The following CCDC22 variants were observed in gnomAD, a reference collection of about 807,000 sequenced individuals.
CCDC22 encodes CCC complex scaffolding subunit CCDC22, also known as coiled-coil domain-containing protein 22.
CCDC22 carries 4 observed loss-of-function variants against 53.1 expected under a neutral mutation model. That is an observed-to-expected ratio of 0.08 (90% CI 0.04 to 0.17). CCDC22 has a LOEUF of 0.17. Ranked by LOEUF, CCDC22 falls within the 10% of genes least tolerant of loss-of-function variation. The probability of loss-of-function intolerance (pLI) is 1.00; values close to 1 mark genes in which losing one functional copy is unlikely to be tolerated. For synonymous variants in CCDC22, 222 were observed against 224.4 expected (o/e 0.99, Z 0.10); for missense variants, 458 against 554.0 (o/e 0.83, Z 1.74).
intron 10 of CCDC22, 36 bp downstream of exon 10, chrX:49,248,346 G>T (rs782746510): frequency 1.7e-6 from 2 of 1,162,406 alleles, no homozygotes; most frequent in Non-Finnish European, 1.2e-6. Flanking sequence ...GAGAGGGGCA[G>T]GGTGGGGTGG....
chrX:49,249,820 T>C, intron 16 of CCDC22, 95 bp downstream of exon 16: 1 of 767,326 alleles, frequency 1.3e-6, no homozygotes, highest in Non-Finnish European at 2.0e-6. Flanking sequence ...ACACAGCCGA[T>C]GGCTGGACAC....
intron 5 of CCDC22, 39 bp downstream of exon 5, chrX:49,243,223 G>C (rs202241592): frequency 9.2e-6 from 11 of 1,196,207 alleles, no homozygotes; most frequent in African/African-American, 8.8e-5. Context: ...GGAGGAAGGT[G>C]GGGGGGAACC....
In CCDC22 at chrX:49,247,570, G is replaced by T. The variant is rs1205611972; in HGVS notation, c.972+12G>T. 6 of 1,192,478 alleles carry T rather than the reference G, an allele frequency of 5.0e-6. No individual in the cohort carries two copies. The highest frequency in any genetic ancestry group is 3.1e-5 in the East Asian group (1 of 32,697). On this transcript the variant is annotated intron_variant, in intron 8 of 16. Transcript: ENST00000376227. Reference sequence around the variant, plus strand: ...GGCGGCCTGAACAGGTGAGCAGAGTGGTTTGGAGGGGGGTGTCCCAGGCCC... The same window carrying T: ...GGCGGCCTGAACAGGTGAGCAGAGTTGTTTGGAGGGGGGTGTCCCAGGCCC...
intron 2 of CCDC22, among the ~76,000 whole-genome samples, chrX:49,238,195 C>T (rs1228380916): frequency 1.8e-5 from 2 of 109,398 alleles, no homozygotes; most frequent in Non-Finnish European, 3.8e-5. Flanking sequence ...ATTCTCCTGC[C>T]TCAGCCTCCC....
intron 6 of CCDC22, 98 bp downstream of exon 6, chrX:49,243,560 A>C: frequency 9.9e-6 from 7 of 707,231 alleles, no homozygotes; most frequent in Non-Finnish European, 1.4e-5. Flanking sequence ...CCTCCCTTCC[A>C]TTGTTTCCCC....
At chrX:49,243,951 G>T (rs2065976363) in intron 6 of CCDC22, among the ~76,000 whole-genome samples, 1 of 112,213 alleles carries the variant, frequency 8.9e-6, no homozygotes, top group Non-Finnish European at 1.9e-5. Flanking sequence ...ACCACACCTG[G>T]CTAATTTTTA....
Position 49,249,656 on chromosome X carries a change from C to T in CCDC22, c.1701C>T (p.Cys567=). The change falls in exon 16 of 17, where the codon TGC becomes TGT. Residue 567 remains cysteine (C), a synonymous_variant. Transcript: ENST00000376227. ...YKYLAALHEN[C]SQLIQTIEDT... ...TCTGCTCCTGTTGTCCCCAGAACTG[C>T]AGCCAGCTCATCCAGACCATCGAGG... is the stretch of plus-strand genomic sequence containing the variant. The T allele has an allele frequency of 8.3e-7, 1 of 1,210,530 alleles. No individual in the cohort carries two copies. The highest frequency in any genetic ancestry group is 3.0e-5 in the East Asian group (1 of 33,853).
At position 49,235,826 on chromosome X, in the gene CCDC22, TACACAC is replaced by T. The variant is rs797042658; in HGVS notation, c.50+173_50+178del. ...CAGGATCCTAAGACCCTCACCCCCT[TACACAC>T]ACACACACACACACACACACACACA... is the stretch of plus-strand genomic sequence containing the variant. On this transcript the variant is annotated intron_variant, in intron 1 of 16. Transcript: ENST00000376227. The T allele has an allele frequency of 2.0e-3, 486 of 242,957 alleles. 1 individual carries two copies. Among genetic ancestry groups the T allele is most frequent in the African/African-American group, 6.2e-3 (138 of 22,354 alleles). 20.0% of individuals were successfully genotyped at this position (242,957 alleles called of 1,213,427 possible). A position where few individuals can be genotyped will look rare whatever the true frequency, so the allele number is the denominator to read the frequency against.
chrX:49,242,119 A>G lies in CCDC22; in HGVS notation c.332A>G (p.Asp111Gly). 1.7e-6 allele frequency: 2 copies of G among 1,209,639 alleles called. No homozygotes were observed. Among genetic ancestry groups the G allele is most frequent in the Non-Finnish European group, 2.2e-6 (2 of 894,940 alleles). ...LLFLAERLPT[D>G]ASEDADQPAG... is the part of the protein sequence containing the mutation. ...TTCTTGGCTGAGCGTCTGCCCACCG[A>G]TGCCTCTGAGGATGCAGACCAGCCT... is the stretch of plus-strand genomic sequence containing the variant. The change falls in exon 3 of 17, where the codon GAT becomes GGT. Residue 111 changes from aspartate to glycine, a missense_variant. Asp to Gly is a moderately conservative substitution (Grantham distance 94). Around this residue, in one of 4 missense-constraint regions of CCDC22, gnomAD observed 55 missense variants for 106.0 expected, o/e 0.52. Transcript: ENST00000376227.
Position 49,250,359 on chromosome X carries a change from C to G in CCDC22, c.*98C>G, listed in dbSNP as rs1181847838. ...TGCCCTAGCTACTTCCTCCGCTGTC[C>G]AGTTCCTCCTGCTGCGGCCTTGGAC... On this transcript the variant is annotated 3_prime_UTR_variant, in exon 17 of 17. Coordinates refer to ENST00000376227, the MANE Select transcript of CCDC22 (RefSeq NM_014008.5). The G allele has an allele frequency of 1.8e-6, 1 of 541,023 alleles. No individual in the cohort carries two copies. Among genetic ancestry groups the G allele is most frequent in the East Asian group, 3.6e-5 (1 of 27,724 alleles). 44.6% of individuals were successfully genotyped at this position (541,023 alleles called of 1,213,427 possible).
At chrX:49,248,777 G>A (rs1393921057) in intron 12 of CCDC22, 40 bp from the exon 13 acceptor site, 3 of 1,204,577 alleles carry the variant, frequency 2.5e-6, no homozygotes, top group Non-Finnish European at 3.4e-6. Flanking sequence ...GGAGGGTGGG[G>A]GGATGGTCCT....
intron 2 of CCDC22, among the ~76,000 whole-genome samples, chrX:49,239,643 CGCTCTCAGGTTCACCCA>C (rs1569529166): frequency 9.0e-6 from 1 of 110,509 alleles, no homozygotes; most frequent in African/African-American, 3.3e-5. Context: ...TCCATCCCTT[CGCTCTCAGGTTCACCCA>C]GCTCTCAGGA....
In CCDC22 at chrX:49,243,277, C is replaced by T. The variant is rs191605685; in HGVS notation, c.536-7C>T. The T allele has an allele frequency of 4.6e-3, 5,567 of 1,197,339 alleles. 13 individuals are homozygous for T. Among genetic ancestry groups the T allele is most frequent in the Middle Eastern group, 8.6e-3 (37 of 4,292 alleles). On this transcript the variant is annotated splice_polypyrimidine_tract_variant and splice_region_variant and intron_variant, in intron 5 of 16. Transcript: ENST00000376227. ...GCAGGGCCAGCTGACTCTGTTCCTG[C>T]CTCCAGAGCCACGGGAGTTCCAGGC...
At chrX:49,235,714 G>A (rs1317595704) in intron 1 of CCDC22, 28 bp downstream of exon 1, 3 of 1,052,528 alleles carry the variant, frequency 2.9e-6, no homozygotes, top group East Asian at 3.7e-5. Flanking sequence ...GCCCACCCCC[G>A]AAGCCCACAT....
Position 49,247,505 on chromosome X carries a change from G to A in CCDC22, c.919G>A (p.Ala307Thr). 6 of 1,196,626 alleles carry A rather than the reference G, an allele frequency of 5.0e-6. No homozygotes were observed. Among genetic ancestry groups the A allele is most frequent in the Non-Finnish European group, 6.8e-6 (6 of 888,375 alleles). Reference sequence around the variant, plus strand: ...TCGTCACTCCCCTTAGGAGCCCCAGGCCCAGGCCACTCAGGTGTCAGATGT... The same window carrying A: ...TCGTCACTCCCCTTAGGAGCCCCAGACCCAGGCCACTCAGGTGTCAGATGT... Reference protein sequence around the residue: ...EKFTFHLEPQAQATQVSDVPA... With the variant: ...EKFTFHLEPQTQATQVSDVPA... The change falls in exon 8 of 17, where the codon GCC becomes ACC. Residue 307 changes from alanine (A) to threonine (T), a missense_variant. Ala to Thr is a moderately conservative substitution (Grantham distance 58). Transcript: ENST00000376227.
rs1557115010 is a variant in CCDC22, at chrX:49,249,513, C to T, written c.1640C>T (p.Ala547Val). The T allele has an allele frequency of 8.3e-7, 1 of 1,204,445 alleles. No homozygotes were observed. The highest frequency in any genetic ancestry group is 3.0e-5 in the East Asian group (1 of 33,585). Reference protein sequence around the residue: ...AVTDELVFKDAKKDDAVRKAY... With the variant: ...AVTDELVFKDVKKDDAVRKAY... ...GAGGTCCCTGTGTCTGGTCAGGATGCCAAGAAGGACGATGCTGTTCGGAAG... is the reference window on the plus strand; with the variant it reads ...GAGGTCCCTGTGTCTGGTCAGGATGTCAAGAAGGACGATGCTGTTCGGAAG... Residue 547 changes from alanine to valine, a missense_variant, in exon 15 of 17, where the codon GCC becomes GTC. By Grantham distance (64) the Ala-to-Val change is moderately conservative. This residue lies in a region of CCDC22 where 48 missense variants were observed against 83.4 expected (regional missense o/e 0.58). Coordinates refer to ENST00000376227, the MANE Select transcript of CCDC22 (RefSeq NM_014008.5).
rs781860071 is a variant in CCDC22, at chrX:49,250,319, C to T, written c.*58C>T. On this transcript the variant is annotated 3_prime_UTR_variant, in exon 17 of 17. Coordinates refer to ENST00000376227, the MANE Select transcript of CCDC22 (RefSeq NM_014008.5). ...AGGCAGGGATTTGGGGTGCTGGAGG[C>T]AGTGGCCAAGCACATGCCCTAGCTA... 4.5e-6 allele frequency: 3 copies of T among 661,478 alleles called. No individual in the cohort carries two copies. The highest frequency in any genetic ancestry group is 4.7e-5 in the South Asian group (2 of 42,520). 54.5% of individuals were successfully genotyped at this position (661,478 alleles called of 1,213,427 possible). A position where few individuals can be genotyped will look rare whatever the true frequency, so the allele number is the denominator to read the frequency against.
Position 49,235,699 on chromosome X carries a change from C to A in CCDC22, c.50+13C>A, listed in dbSNP as rs1557112550. The stretch of plus-strand genomic sequence containing the variant: ...GCCAGGCCGGCACGTAAGGACAGAG[C>A]CCCCGCCCACCCCCGAAGCCCACAT... On this transcript the variant is annotated intron_variant, in intron 1 of 16. Coordinates refer to ENST00000376227, the MANE Select transcript of CCDC22 (RefSeq NM_014008.5). 8.6e-7 allele frequency: 1 copy of A among 1,164,755 alleles called. No individual in the cohort carries two copies. The highest frequency in any genetic ancestry group is 1.8e-5 in the African/African-American group (1 of 56,282).
chrX:49,249,617 C>A (rs2066013937), intron 15 of CCDC22, 34 bp from the exon 16 acceptor site: 2 of 916,090 alleles, frequency 2.2e-6, no homozygotes, highest in Non-Finnish European at 3.0e-6. Flanking sequence ...GTGGGTGGGA[C>A]TGGGTGCAAG....
Sources: allele counts gnomAD v4.1 joint callset (sites outside exome capture counted in the v4.1 genomes callset), GRCh38; gene constraint gnomAD v4.1.1; regional missense constraint gnomAD v4.1.1; transcripts MANE v1.5; gene names NCBI Gene and HGNC (gene_info 2026-07-23, HGNC 2026-07-21).